Variants in SLC6A11 observed in about 807,000 individuals in gnomAD.
The protein encoded by SLC6A11 is solute carrier family 6 member 11.
In SLC6A11, 25 loss-of-function variants were observed where a neutral mutation model predicts 74.8. The ratio of observed to expected loss-of-function variants is 0.33; its 90% CI spans 0.24 to 0.47. SLC6A11 has a LOEUF of 0.47. Ranked by LOEUF, SLC6A11 falls within the 20% of genes least tolerant of loss-of-function variation. The probability of loss-of-function intolerance (pLI) is 1.00; values close to 1 mark genes in which losing one functional copy is unlikely to be tolerated. For missense variants in SLC6A11, 574 were observed against 837.0 expected (o/e 0.69, Z 3.88); for synonymous variants, 330 against 330.2 (o/e 1.00, Z 0.01).
chr3:10,853,610 C>T (rs989612124), intron 5 of SLC6A11, among the ~76,000 whole-genome samples: 3 of 152,186 alleles, frequency 2.0e-5, no homozygotes, highest in East Asian at 1.9e-4. Flanking sequence ...GGACTCTCTA[C>T]ACAGCTGAAG....
intron 6 of SLC6A11, among the ~76,000 whole-genome samples, chr3:10,885,808 C>T (rs577267247): frequency 1.3e-5 from 2 of 152,260 alleles, no homozygotes; most frequent in South Asian, 2.1e-4. Flanking sequence ...CATCAGCATC[C>T]AGACTCCAGG....
intron 6 of SLC6A11, among the ~76,000 whole-genome samples, chr3:10,887,301 TGG>T: frequency 7.3e-6 from 1 of 136,770 alleles, no homozygotes; most frequent in African/African-American, 2.8e-5. Context: ...AAATGGATGA[TGG>T]ATGGATGGAT....
At chr3:10,877,860 AG>A (rs1252616384) in intron 6 of SLC6A11, among the ~76,000 whole-genome samples, 2 of 152,150 alleles carry the variant, frequency 1.3e-5, no homozygotes, top group African/African-American at 2.4e-5. Flanking sequence ...GGCTCTTTCT[AG>A]AAAAAGTTTG....
At position 10,844,340 on chromosome 3, in the gene SLC6A11, A is replaced by C. The variant is rs774023467; in HGVS notation, c.750A>C (p.Thr250=). 2 of 1,614,072 alleles carry C rather than the reference A, an allele frequency of 1.2e-6. No homozygotes were observed. Among genetic ancestry groups the C allele is most frequent in the Non-Finnish European group, 1.7e-6 (2 of 1,180,038 alleles). ...YFCIWKGTKS[T]GKVVYVTATF... ...GTATCTGGAAGGGGACCAAGTCTAC[A>C]GGAAAGGTAAGAGGTCGATCTTCAA... Residue 250 remains threonine, a synonymous_variant, in exon 5 of 14, where the codon ACA becomes ACC. Coordinates refer to ENST00000254488, the MANE Select transcript of SLC6A11 (RefSeq NM_014229.3).
chr3:10,932,483 C>G (rs1575708911), intron 10 of SLC6A11, among the ~76,000 whole-genome samples: 1 of 152,176 alleles, frequency 6.6e-6, no homozygotes, highest in East Asian at 1.9e-4. Flanking sequence ...ACAAAACATG[C>G]TATGAAGGCC....
At chr3:10,857,492 C>G (rs1423264700) in intron 5 of SLC6A11, among the ~76,000 whole-genome samples, 2 of 152,152 alleles carry the variant, frequency 1.3e-5, no homozygotes, top group Non-Finnish European at 2.9e-5. Flanking sequence ...TGTCTTCTTT[C>G]CTGTTTGACA....
rs1695805297 is a variant in SLC6A11 at position 10,939,906 on chromosome 3, A to G, written c.*1504A>G. On this transcript the variant is annotated 3_prime_UTR_variant, in exon 14 of 14. Coordinates refer to ENST00000254488, the MANE Select transcript of SLC6A11 (RefSeq NM_014229.3). The stretch of plus-strand genomic sequence containing the variant: ...GCCTCTGCCTTGGTTTCTGAGCTAT[A>G]TGAGGGTGGGGAAGGCACACTCTTT... The G allele has an allele frequency of 1.3e-5, 2 of 151,652 alleles. No homozygotes were observed. The highest frequency in any genetic ancestry group is 4.2e-4 in the South Asian group (2 of 4,812). The allele number at this position is 151,652 out of a possible 1,614,324, so 9.4% of individuals were successfully genotyped here. A position where few individuals can be genotyped will look rare whatever the true frequency, so the allele number is the denominator to read the frequency against.
intron 6 of SLC6A11, among the ~76,000 whole-genome samples, chr3:10,889,385 T>A (rs1580442): frequency 0.5 from 76,300 of 151,858 alleles, 19,795 homozygotes; most frequent in East Asian, 0.72. Flanking sequence ...ATGTGTAATG[T>A]CACGCACCCA....
intron 10 of SLC6A11, among the ~76,000 whole-genome samples, chr3:10,930,258 C>G (rs1001856336): frequency 1.3e-5 from 2 of 151,940 alleles, no homozygotes; most frequent in African/African-American, 4.8e-5. Flanking sequence ...GCTCCTAGCA[C>G]TTTGTTTGTA....
intron 6 of SLC6A11, among the ~76,000 whole-genome samples, chr3:10,901,661 C>T (rs964783251): frequency 6.6e-6 from 1 of 152,236 alleles, no homozygotes; most frequent in Non-Finnish European, 1.5e-5. Context: ...AAAGTCGTCT[C>T]CACCAAAGCC....
At chr3:10,824,272 G>A (rs957262827) in intron 4 of SLC6A11, 2 of 152,184 alleles carry the variant, frequency 1.3e-5, no homozygotes, top group African/African-American at 4.8e-5. Context: ...GAAGTTTCCT[G>A]TATGGGTCAA....
chr3:10,831,501 G>T (rs1274116474), intron 4 of SLC6A11, among the ~76,000 whole-genome samples: 1 of 151,958 alleles, frequency 6.6e-6, no homozygotes, highest in Non-Finnish European at 1.5e-5. Context: ...TGTTGTATAT[G>T]ATATCGTATG....
At chr3:10,857,201 C>T (rs1694648177) in intron 5 of SLC6A11, among the ~76,000 whole-genome samples, 1 of 152,048 alleles carries the variant, frequency 6.6e-6, no homozygotes, top group Non-Finnish European at 1.5e-5. Flanking sequence ...CTGGAAAGGC[C>T]TCTTGGAAGA....
intron 6 of SLC6A11, among the ~76,000 whole-genome samples, chr3:10,895,513 C>G (rs1695159435): frequency 6.6e-6 from 1 of 152,178 alleles, no homozygotes; most frequent in Non-Finnish European, 1.5e-5. Context: ...AAACCAAACA[C>G]CTCATGTTCT....
At chr3:10,930,041 G>A (rs981127431) in intron 10 of SLC6A11, among the ~76,000 whole-genome samples, 1 of 152,074 alleles carries the variant, frequency 6.6e-6, no homozygotes, top group African/African-American at 2.4e-5. Flanking sequence ...CTGTTGCCTA[G>A]AAACAAGAAT....
At chr3:10,818,988 G>C (rs1302839684) in intron 1 of SLC6A11, among the ~76,000 whole-genome samples, 1 of 152,136 alleles carries the variant, frequency 6.6e-6, no homozygotes, top group Non-Finnish European at 1.5e-5. Flanking sequence ...AATTCCCTGA[G>C]AATGCTCTTC....
Position 10,879,336 on chromosome 3 carries a change from A to G in SLC6A11, c.891+4241A>G, listed in dbSNP as rs143700138. On this transcript the variant is annotated intron_variant, in intron 6 of 13. Transcript: ENST00000254488. ...ATCGCGACCCCAAGAGGGAAAGGAA[A>G]ACAAAACCCCATGTATGTTGGTGTG... is the stretch of plus-strand genomic sequence containing the variant. 9.7e-3 allele frequency among the ~76,000 whole-genome samples: 1,478 copies of G among 152,230 alleles called. 12 individuals are homozygous for G. The highest frequency in any genetic ancestry group is 0.016 in the Non-Finnish European group (1,081 of 68,008).
intron 4 of SLC6A11, among the ~76,000 whole-genome samples, chr3:10,841,329 G>A (rs538373661): frequency 6.6e-6 from 1 of 152,250 alleles, no homozygotes; most frequent in African/African-American, 2.4e-5. Context: ...GAAGAGCTGT[G>A]CCTTCTCCAA....
At chr3:10,876,134 G>C (rs28753873) in intron 6 of SLC6A11, among the ~76,000 whole-genome samples, 2,552 of 152,292 alleles carry the variant, frequency 0.017, 73 homozygotes, top group African/African-American at 0.059. Flanking sequence ...GGGAGCTTGT[G>C]GGGGAAGCGT....
Sources: allele counts gnomAD v4.1 joint callset (sites outside exome capture counted in the v4.1 genomes callset), GRCh38; gene constraint gnomAD v4.1.1; transcripts MANE v1.5; gene names NCBI Gene and HGNC (gene_info 2026-07-23, HGNC 2026-07-21).